The following DENND2A variants were observed in gnomAD, a reference collection of about 807,000 sequenced individuals.
The protein encoded by DENND2A is DENN domain containing 2A, also known as DENN domain-containing protein 2A.
Under a neutral mutation model 105.3 loss-of-function variants are expected in DENND2A, and 53 were observed. The observed-to-expected ratio is 0.50, with a 90% CI of 0.40 to 0.63. The LOEUF is 0.63. DENND2A is among the 30% of genes least tolerant of loss of function. DENND2A has a pLI of 0.00. For synonymous variants in DENND2A, 522 were observed against 508.4 expected, an observed-to-expected ratio of 1.03 and a Z score of -0.36; for missense variants, 1,138 against 1,279.6, an observed-to-expected ratio of 0.89 and a Z score of 1.69.
Position 140,563,676 on chromosome 7 carries a change from T to TAA in DENND2A, c.1779+3408_1779+3409dup, listed in dbSNP as rs139848094. On this transcript the variant is annotated intron_variant, in intron 9 of 19. Coordinates refer to ENST00000496613, the MANE Select transcript of DENND2A (RefSeq NM_015689.5). Reference sequence around the variant, plus strand: ...TGTACAAGGATGATCACCATTGCATTAAAAAAAAAAAAAAAAAAAAAAAAA... The same window carrying TAA: ...TGTACAAGGATGATCACCATTGCATTAAAAAAAAAAAAAAAAAAAAAAAAAAA... Among the ~76,000 whole-genome samples, 19 of 29,246 alleles carry TAA rather than the reference T, an allele frequency of 6.5e-4. 2 individuals carry two copies. The highest frequency in any genetic ancestry group is 2.8e-3 in the African/African-American group (17 of 6,034). The allele number at this position is 29,246 out of a possible 152,430, so 19.2% of individuals were successfully genotyped here. A position where few individuals can be genotyped will look rare whatever the true frequency, so the allele number is the denominator to read the frequency against.
chr7:140,638,792 A>G lies in DENND2A; in HGVS notation c.-248+1712T>C, dbSNP rs558001286. On this transcript the variant is annotated intron_variant, in intron 1 of 19. Transcript: ENST00000496613. ...GAGGCGGTTTTCAGGGCTTAGCCCA[A>G]GCATCACCTAATCTGTGGGGATTCC... Among the ~76,000 whole-genome samples the G allele has an allele frequency of 1.9e-3, 289 of 152,324 alleles. 1 individual carries two copies. The highest frequency in any genetic ancestry group is 6.6e-3 in the African/African-American group (274 of 41,564).
chr7:140,607,920 A>T (rs987146228), intron 1 of DENND2A, among the ~76,000 whole-genome samples: 2 of 152,348 alleles, frequency 1.3e-5, no homozygotes, highest in East Asian at 3.9e-4. Context: ...GGACTCAAAG[A>T]TGAGTAAGAG....
chr7:140,596,581 A>T (rs1389658768), intron 3 of DENND2A, among the ~76,000 whole-genome samples: 1 of 152,224 alleles, frequency 6.6e-6, no homozygotes, highest in East Asian at 1.9e-4. Flanking sequence ...TCTGGCAGCC[A>T]TATAATGACT....
rs1363414186 is a variant in DENND2A at position 140,527,732 on chromosome 7, T to G, written c.2328-237A>C. ...TAACGTCCTGGATAATTTTTACAAG[T>G]GCGTTTCCACATGTGAGCTGCACGC... On this transcript the variant is annotated intron_variant, in intron 14 of 19. Coordinates refer to ENST00000496613, the MANE Select transcript of DENND2A (RefSeq NM_015689.5). The surrounding 1 kb of genome is among the most constrained non-coding windows in gnomAD (Gnocchi z 4.9). Among the ~76,000 whole-genome samples, 1 of 152,186 alleles carries G rather than the reference T, an allele frequency of 6.6e-6. No homozygotes were observed.
At chr7:140,521,827 C>T (rs755007816) in intron 18 of DENND2A, 28 bp downstream of exon 18, 30 of 1,610,154 alleles carry the variant, frequency 1.9e-5, no homozygotes, top group Middle Eastern at 1.6e-4. Flanking sequence ...CTAGCTGACT[C>T]GGCCCCAACA....
chr7:140,566,925 G>T (rs1797861619), intron 9 of DENND2A, among the ~76,000 whole-genome samples, 161 bp downstream of exon 9: 1 of 151,896 alleles, frequency 6.6e-6, no homozygotes, highest in South Asian at 2.1e-4. Flanking sequence ...TTCTCTAGCA[G>T]CAGCATTTTT....
intron 1 of DENND2A, among the ~76,000 whole-genome samples, chr7:140,634,139 C>T (rs1208468739): frequency 6.6e-6 from 1 of 151,880 alleles, no homozygotes; most frequent in African/African-American, 2.4e-5. Context: ...GTTGGGACTA[C>T]AGGTGCCCGC....
In DENND2A at chr7:140,583,257, C is replaced by T. The variant is rs187775347; in HGVS notation, c.1245+2332G>A. Among the ~76,000 whole-genome samples the T allele has an allele frequency of 1.6e-3, 243 of 151,738 alleles. 5 individuals are homozygous for T. The highest frequency in any genetic ancestry group is 0.014 in the Admixed American group (218 of 15,254). On this transcript the variant is annotated intron_variant, in intron 5 of 19. Coordinates refer to ENST00000496613, the MANE Select transcript of DENND2A (RefSeq NM_015689.5). ...CCGGGAGGTGGAGCTTGCAGTGAGCCGAGATCGGGCCACTTCACTCCAGCC... is the reference window on the plus strand; with the variant it reads ...CCGGGAGGTGGAGCTTGCAGTGAGCTGAGATCGGGCCACTTCACTCCAGCC...
chr7:140,641,106 C>A (rs1441038232), upstream of DENND2A, among the ~76,000 whole-genome samples: 1 of 152,018 alleles, frequency 6.6e-6, no homozygotes, highest in African/African-American at 2.4e-5. Flanking sequence ...ACGTCCAAGC[C>A]TGGGGAACGG....
intron 4 of DENND2A, among the ~76,000 whole-genome samples, chr7:140,586,863 A>G (rs894815757): frequency 6.6e-6 from 1 of 152,120 alleles, no homozygotes; most frequent in African/African-American, 2.4e-5. Context: ...GTCTGCATAT[A>G]TCCACCCTAC....
At chr7:140,587,897 C>T (rs1473507517) in intron 3 of DENND2A, 117 bp from the exon 4 acceptor site, 2 of 1,112,156 alleles carry the variant, frequency 1.8e-6, no homozygotes, top group South Asian at 2.2e-5. Flanking sequence ...AAAATTGTTA[C>T]CGAAATCAAC....
At chr7:140,633,115 G>A (rs566086793) in intron 1 of DENND2A, among the ~76,000 whole-genome samples, 3 of 149,364 alleles carry the variant, frequency 2.0e-5, no homozygotes, top group African/African-American at 2.5e-5. Context: ...TGCAAGCTCC[G>A]CCTCCCGCGT....
chr7:140,547,443 C>T (rs1004830317), intron 12 of DENND2A, among the ~76,000 whole-genome samples: 62 of 152,286 alleles, frequency 4.1e-4, no homozygotes, highest in African/African-American at 1.5e-3. Flanking sequence ...TACCACTTCA[C>T]ACCCGTTAGG....
chr7:140,558,976 C>A (rs1028393999), intron 10 of DENND2A, among the ~76,000 whole-genome samples: 1 of 151,958 alleles, frequency 6.6e-6, no homozygotes, highest in Non-Finnish European at 1.5e-5. Flanking sequence ...ATCACCTGAG[C>A]TGCCCCATTG....
chr7:140,522,158 C>A, intron 17 of DENND2A, 58 bp from the exon 18 acceptor site: 1 of 1,590,798 alleles, frequency 6.3e-7, no homozygotes, highest in Non-Finnish European at 8.6e-7. Context: ...GGCCAGAGCC[C>A]TTGAGACAAG....
intron 9 of DENND2A, among the ~76,000 whole-genome samples, chr7:140,563,294 G>GTCA (rs2130582065): frequency 6.6e-6 from 1 of 152,176 alleles, no homozygotes; most frequent in East Asian, 1.9e-4. Flanking sequence ...CTACCCACAC[G>GTCA]TCATCAACCT....
chr7:140,614,453 C>T (rs1432373058), intron 1 of DENND2A, among the ~76,000 whole-genome samples: 2 of 152,170 alleles, frequency 1.3e-5, no homozygotes, highest in Non-Finnish European at 2.9e-5. Flanking sequence ...CAGGGGTATC[C>T]TCAACCTGGG....
chr7:140,548,070 C>G (rs1406946380), intron 12 of DENND2A, among the ~76,000 whole-genome samples: 1 of 152,010 alleles, frequency 6.6e-6, no homozygotes, highest in Non-Finnish European at 1.5e-5. Flanking sequence ...ATGCTGAAAG[C>G]CACTGAACTG....
At position 140,583,226 on chromosome 7, in the gene DENND2A, G is replaced by C. The variant is rs1017769224; in HGVS notation, c.1245+2363C>G. 2.0e-5 allele frequency among the ~76,000 whole-genome samples: 3 copies of C among 151,920 alleles called. No homozygotes were observed. In the East Asian group the frequency reaches 5.8e-4, roughly 29 times the overall value. Reference sequence around the variant, plus strand: ...TGGGAGGCTGAGGCAGGAGAATGGCGTGAACCCGGGAGGTGGAGCTTGCAG... The same window carrying C: ...TGGGAGGCTGAGGCAGGAGAATGGCCTGAACCCGGGAGGTGGAGCTTGCAG... On this transcript the variant is annotated intron_variant, in intron 5 of 19. Coordinates refer to ENST00000496613, the MANE Select transcript of DENND2A (RefSeq NM_015689.5).
Sources: allele counts gnomAD v4.1 joint callset (sites outside exome capture counted in the v4.1 genomes callset), GRCh38; gene constraint gnomAD v4.1.1; non-coding constraint Gnocchi (gnomAD v3.1); transcripts MANE v1.5; gene names NCBI Gene and HGNC (gene_info 2026-07-23, HGNC 2026-07-21).